MALRD1: variants seen among roughly 807,000 people sequenced by gnomAD.
MALRD1 encodes MAM and LDL receptor class A domain containing 1.
In MALRD1, 247 loss-of-function variants were observed where a neutral mutation model predicts 242.1. The ratio of observed to expected loss-of-function variants is 1.02; its 90% CI spans 0.92 to 1.13. The LOEUF is 1.13. Ranked by LOEUF, MALRD1 falls within the 50% of genes most tolerant of loss-of-function variation. The pLI is 0.00. For synonymous variants in MALRD1, 995 were observed against 866.6 expected (o/e 1.15, Z -2.60); for missense variants, 2,989 against 2,533.1 (o/e 1.18, Z -3.86).
chr10:19,659,477 A>G (rs1017253428), intron 36 of MALRD1, among the ~76,000 whole-genome samples: 2 of 152,132 alleles, frequency 1.3e-5, no homozygotes, highest in African/African-American at 2.4e-5. Context: ...ACCTATTTCT[A>G]TATTCATTAC....
At chr10:19,471,827 A>G (rs1204321876) in intron 29 of MALRD1, among the ~76,000 whole-genome samples, 1 of 151,630 alleles carries the variant, frequency 6.6e-6, no homozygotes, top group African/African-American at 2.4e-5. Context: ...TTCTTTGTGG[A>G]TTCTTCAGAG....
intron 31 of MALRD1, 143 bp from the exon 32 acceptor site, chr10:19,531,051 A>G (rs1022888253): frequency 4.6e-6 from 3 of 650,792 alleles, no homozygotes; most frequent in African/African-American, 3.7e-5. Flanking sequence ...TGTTATTGAT[A>G]TATGACTCCC....
chr10:19,517,275 A>G (rs1833678170), intron 31 of MALRD1, among the ~76,000 whole-genome samples: 1 of 152,168 alleles, frequency 6.6e-6, no homozygotes, highest in Non-Finnish European at 1.5e-5. Context: ...CCAGTAGGGA[A>G]ACATTCCAGG....
chr10:19,095,047 A>G (rs1407871739), intron 4 of MALRD1, among the ~76,000 whole-genome samples: 1 of 152,112 alleles, frequency 6.6e-6, no homozygotes, highest in Non-Finnish European at 1.5e-5. Flanking sequence ...TGGTTTTTTT[A>G]TCATCTGTTA....
chr10:19,574,392 C>T (rs774858923), intron 33 of MALRD1, among the ~76,000 whole-genome samples: 1 of 152,168 alleles, frequency 6.6e-6, no homozygotes, highest in Non-Finnish European at 1.5e-5. Context: ...AAGTCACTAT[C>T]AGATGAATTT....
intron 18 of MALRD1, among the ~76,000 whole-genome samples, chr10:19,211,699 A>C (rs1837079080): frequency 3.3e-5 from 5 of 150,040 alleles, no homozygotes. Context: ...AAAAAAAAAA[A>C]AAAAAAAAAA....
chr10:19,390,048 G>A (rs1397695344), intron 28 of MALRD1, among the ~76,000 whole-genome samples: 2 of 152,118 alleles, frequency 1.3e-5, no homozygotes, highest in African/African-American at 4.8e-5. Context: ...TCCTGTGGCT[G>A]AAATGATCTA....
At chr10:19,251,580 A>G (rs1190364869) in intron 18 of MALRD1, among the ~76,000 whole-genome samples, 2 of 151,904 alleles carry the variant, frequency 1.3e-5, no homozygotes, top group Non-Finnish European at 2.9e-5. Flanking sequence ...ATATCAGTGT[A>G]TATATATGAA....
In MALRD1 at chr10:19,154,755, G is replaced by T. The variant is rs537732640; in HGVS notation, c.1559-320G>T. On this transcript the variant is annotated intron_variant, in intron 11 of 39. Coordinates refer to ENST00000454679, the MANE Select transcript of MALRD1 (RefSeq NM_001142308.3). ...TCTTGTGGGTATTTCATAAGGGCCT[G>T]TTGAATATCTAATTGTCAGCTTAGA... 4.6e-5 allele frequency among the ~76,000 whole-genome samples: 7 copies of T among 152,262 alleles called. No individual in the cohort carries two copies. In the South Asian group the frequency reaches 1.2e-3, roughly 27 times the overall value.
chr10:19,572,180 A>G (rs925613423), intron 33 of MALRD1, among the ~76,000 whole-genome samples: 30 of 152,304 alleles, frequency 2.0e-4, no homozygotes, highest in African/African-American at 6.7e-4. Context: ...CCAGGGCAAC[A>G]TTTTGTAAAT....
chr10:19,507,059 A>G (rs993097834), intron 31 of MALRD1, among the ~76,000 whole-genome samples: 2 of 152,066 alleles, frequency 1.3e-5, no homozygotes, highest in East Asian at 3.9e-4. Context: ...GAAAGCAGGA[A>G]CAAGAGAGAA....
At chr10:19,629,697 A>G (rs548495230) in intron 36 of MALRD1, among the ~76,000 whole-genome samples, 3 of 152,232 alleles carry the variant, frequency 2.0e-5, no homozygotes, top group South Asian at 4.1e-4. Context: ...GACACAGCTC[A>G]GTGGTGGCGC....
intron 38 of MALRD1, chr10:19,728,558 T>TG (rs141723487): frequency 0.035 from 5,397 of 152,314 alleles, 114 homozygotes; most frequent in Admixed American, 0.052. Context: ...CCTGGTTGTA[T>TG]GCTCAGGCTT....
At chr10:19,289,724 T>C (rs1053911855) in intron 21 of MALRD1, among the ~76,000 whole-genome samples, 8 of 152,216 alleles carry the variant, frequency 5.3e-5, no homozygotes, top group African/African-American at 1.9e-4. Context: ...AATTTTGTTT[T>C]TTGTGTTTGA....
At chr10:19,620,846 A>G (rs1312768400) in intron 36 of MALRD1, among the ~76,000 whole-genome samples, 1 of 151,998 alleles carries the variant, frequency 6.6e-6, no homozygotes, top group Middle Eastern at 3.2e-3. Context: ...GAAATATGAG[A>G]AAATGACCTC....
At chr10:19,324,959 T>C (rs543188289) in intron 22 of MALRD1, among the ~76,000 whole-genome samples, 1 of 151,240 alleles carries the variant, frequency 6.6e-6, no homozygotes, top group Non-Finnish European at 1.5e-5. Context: ...GTGTAAAATA[T>C]TTATTTCATC....
At chr10:19,654,304 C>T (rs893399185) in intron 36 of MALRD1, among the ~76,000 whole-genome samples, 1 of 152,032 alleles carries the variant, frequency 6.6e-6, no homozygotes, top group African/African-American at 2.4e-5. Flanking sequence ...TTTTTTTTAG[C>T]ATGTCTTATT....
At chr10:19,053,810 T>A (rs940895740) in intron 1 of MALRD1, among the ~76,000 whole-genome samples, 1 of 151,864 alleles carries the variant, frequency 6.6e-6, no homozygotes, top group Non-Finnish European at 1.5e-5. Flanking sequence ...AAAAAAAACC[T>A]GTGCATTAAA....
chr10:19,602,117 C>T (rs895720884), intron 34 of MALRD1, among the ~76,000 whole-genome samples: 1 of 145,100 alleles, frequency 6.9e-6, no homozygotes, highest in Admixed American at 6.8e-5. Context: ...TGGAGGTCTT[C>T]ATCCTTGCAT....
Sources: gnomAD v4.1 joint callset for allele counts (sites outside exome capture counted in the v4.1 genomes callset) on GRCh38, gnomAD v4.1.1 for gene constraint, MANE v1.5 for transcripts, NCBI Gene and HGNC (gene_info 2026-07-23, HGNC 2026-07-21) for gene names.